The following TF variants were observed in gnomAD, a reference collection of about 807,000 sequenced individuals.
TF encodes the protein serotransferrin.
Under a neutral mutation model 82.4 loss-of-function variants are expected in TF, and 55 were observed. That is an observed-to-expected ratio of 0.67 (90% confidence interval 0.54 to 0.84). The LOEUF is 0.84. Ranked by LOEUF, TF falls within the 40% of genes least tolerant of loss-of-function variation. TF has a pLI of 0.00. For synonymous variants in TF, 332 were observed against 332.6 expected (o/e 1.00, Z 0.02); for missense variants, 737 against 868.4 (o/e 0.85, Z 1.90).
the TF span, among the ~76,000 whole-genome samples, chr3:133,663,485 G>GAAAAA: frequency 0.14 from 20,936 of 149,774 alleles, 1,753 homozygotes; most frequent in Non-Finnish European, 0.2. Context: ...CTAGAGGTGG[G>GAAAAA]AAAAAAAAGA....
upstream of TF, among the ~76,000 whole-genome samples, chr3:133,741,309 A>G (rs1056968034): frequency 3.7e-4 from 56 of 152,200 alleles, no homozygotes; most frequent in African/African-American, 1.3e-3. Context: ...CATTTATTCT[A>G]AGGTATACTC....
intron 8 of TF, among the ~76,000 whole-genome samples, chr3:133,758,563 ATGT>A (rs1933902404): frequency 6.6e-6 from 1 of 152,240 alleles, no homozygotes; most frequent in South Asian, 2.1e-4. Flanking sequence ...AGTAAGAGAT[ATGT>A]TTAAAAGGGG....
intron 4 of TF, 105 bp downstream of exon 4, chr3:133,754,776 C>A: frequency 7.8e-7 from 1 of 1,275,778 alleles, no homozygotes; most frequent in African/African-American, 1.5e-5. Flanking sequence ...GGGATGAACT[C>A]AGGTGGGGGA....
chr3:133,759,053 T>C (rs567683199), intron 8 of TF, 122 bp from the exon 9 acceptor site: 1 of 1,229,636 alleles, frequency 8.1e-7, no homozygotes, highest in Non-Finnish European at 1.2e-6. Flanking sequence ...ATTCCTTGAA[T>C]GGGGTCTGTT....
the TF span, chr3:133,699,612 A>G: frequency 1.8e-6 from 1 of 543,018 alleles, no homozygotes; most frequent in Admixed American, 1.9e-5. Context: ...GAAGCTTCTC[A>G]ACCAGGTCCA....
chr3:133,669,982 A>G, the TF span, among the ~76,000 whole-genome samples: 2 of 152,198 alleles, frequency 1.3e-5, no homozygotes, highest in Non-Finnish European at 2.9e-5. Context: ...GTTAAATCCA[A>G]CCAATTCTGA....
At chr3:133,666,895 G>A in the TF span, among the ~76,000 whole-genome samples, 1 of 152,114 alleles carries the variant, frequency 6.6e-6, no homozygotes, top group African/African-American at 2.4e-5. Context: ...AATTAGCCAG[G>A]CGTGGTGGCG....
At chr3:133,756,679 T>C in intron 6 of TF, 152 bp from the exon 7 acceptor site, 1 of 966,386 alleles carries the variant, frequency 1.0e-6, no homozygotes, top group South Asian at 1.5e-5. Context: ...CTGTGGGCTC[T>C]TGAGCGAGTC....
At chr3:133,740,984 C>CTTTT in the TF span, among the ~76,000 whole-genome samples, 3 of 77,888 alleles carry the variant, frequency 3.9e-5, no homozygotes, top group Non-Finnish European at 7.6e-5. Context: ...TGATCCAGCT[C>CTTTT]TATTTTTTTT....
At chr3:133,775,177 G>A in intron 14 of TF, 1 of 556,542 alleles carries the variant, frequency 1.8e-6, no homozygotes, top group Non-Finnish European at 3.2e-6. Context: ...TCTGCAGAAT[G>A]TAGTTCATTC....
At chr3:133,746,193 C>T (rs992482294), upstream of TF, 2 of 592,914 alleles carry the variant, frequency 3.4e-6, no homozygotes, top group East Asian at 5.7e-5. Flanking sequence ...TTCCCATCAA[C>T]ATTTCTGTGC....
the TF span, among the ~76,000 whole-genome samples, chr3:133,728,578 A>T: frequency 2.0e-5 from 3 of 152,152 alleles, no homozygotes; most frequent in Non-Finnish European, 2.9e-5. Context: ...AAAGTTTATA[A>T]CTTCTTTGCC....
chr3:133,788,761 G>A lies in TF; in HGVS notation c.*10141G>A, dbSNP rs561238290. The stretch of plus-strand genomic sequence containing the variant: ...ACTTTTTTCTATCTTTTCTGGTTGT[G>A]GTCCCTGATTCCTATGTGTGGCGCA... On this transcript the variant is annotated 3_prime_UTR_variant, in exon 17 of 17. Transcript: ENST00000402696. The A allele has an allele frequency of 2.0e-5, 3 of 152,340 alleles. No individual in the cohort carries two copies. The South Asian group carries it at 6.2e-4, about 32-fold the overall frequency. The allele number at this position is 152,340 out of a possible 1,614,324, so 9.4% of individuals were successfully genotyped here. A position where few individuals can be genotyped will look rare whatever the true frequency, so the allele number is the denominator to read the frequency against.
rs192888986 is a variant in TF, at chr3:133,770,658, G to T, written c.1687+86G>T. The T allele has an allele frequency of 9.5e-5, 129 of 1,356,988 alleles. No homozygotes were observed. The East Asian group carries it at 2.9e-3, about 31-fold the overall frequency. The allele number at this position is 1,356,988 out of a possible 1,614,324, so 84.1% of individuals were successfully genotyped here. A position where few individuals can be genotyped will look rare whatever the true frequency, so the allele number is the denominator to read the frequency against. ...TGTATTCAGGGATGCCTTTGTGGAA[G>T]TATTATGTACACTGTCAGACTTCAA... On this transcript the variant is annotated intron_variant, in intron 14 of 16. Coordinates refer to ENST00000402696, the MANE Select transcript of TF (RefSeq NM_001063.4).
At position 133,755,503 on chromosome 3, in the gene TF, A is replaced by T. The variant is rs374196181; in HGVS notation, c.635+8A>T. 1 of 1,613,930 alleles carries T rather than the reference A, an allele frequency of 6.2e-7. No homozygotes were observed. The highest frequency in any genetic ancestry group is 2.2e-5 in the East Asian group (1 of 44,876). The stretch of plus-strand genomic sequence containing the variant: ...CTACTCGGGAGCCTTCAAGTGAGTG[A>T]GATGTCTGCTGCTCCATGGTGGCCA... On this transcript the variant is annotated splice_region_variant and intron_variant, in intron 5 of 16. Coordinates refer to ENST00000402696, the MANE Select transcript of TF (RefSeq NM_001063.4).
the TF span, among the ~76,000 whole-genome samples, chr3:133,728,424 C>T: frequency 6.6e-6 from 1 of 151,860 alleles, no homozygotes; most frequent in African/African-American, 2.4e-5. Context: ...TCACTGATAC[C>T]CTTTCTTCCA....
In TF at chr3:133,788,281, A is replaced by G. The variant is rs1019667580; in HGVS notation, c.*9661A>G. 5.3e-5 allele frequency: 8 copies of G among 152,234 alleles called. No homozygotes were observed. Among genetic ancestry groups the G allele is most frequent in the Non-Finnish European group, 1.0e-4 (7 of 68,044 alleles). 9.4% of individuals were successfully genotyped at this position (152,234 alleles called of 1,614,324 possible). ...CATCAAGTAAATGACTAGGGTGTAT[A>G]CTAAGTAAATGACTTTGTAACTTTA... On this transcript the variant is annotated 3_prime_UTR_variant, in exon 17 of 17. Transcript: ENST00000402696.
Position 133,755,506 on chromosome 3 carries a change from T to A in TF, c.635+11T>A, listed in dbSNP as rs773030497. 1 of 1,613,898 alleles carries A rather than the reference T, an allele frequency of 6.2e-7. No homozygotes were observed. On this transcript the variant is annotated intron_variant, in intron 5 of 16. Transcript: ENST00000402696. The stretch of plus-strand genomic sequence containing the variant: ...CTCGGGAGCCTTCAAGTGAGTGAGA[T>A]GTCTGCTGCTCCATGGTGGCCAAAG...
chr3:133,684,981 C>G, the TF span, among the ~76,000 whole-genome samples: 1 of 152,206 alleles, frequency 6.6e-6, no homozygotes, highest in Admixed American at 6.5e-5. Flanking sequence ...CCAAATCCAG[C>G]AGCACATCAA....
Sources: gnomAD v4.1 joint callset for allele counts (sites outside exome capture counted in the v4.1 genomes callset) on GRCh38, gnomAD v4.1.1 for gene constraint, MANE v1.5 for transcripts, NCBI Gene and HGNC (gene_info 2026-07-23, HGNC 2026-07-21) for gene names.